SORCS2: variants seen among roughly 807,000 people sequenced by gnomAD.
SORCS2 encodes the protein VPS10 domain-containing receptor SorCS2.
SORCS2 carries 100 observed loss-of-function variants against 141.6 expected under a neutral mutation model. The observed-to-expected ratio is 0.71, with a 90% confidence interval of 0.60 to 0.83. The LOEUF (loss-of-function observed/expected upper bound fraction) is 0.83. Ranked by LOEUF, SORCS2 falls within the 40% of genes least tolerant of loss-of-function variation. The pLI, the probability that SORCS2 is intolerant of heterozygous loss-of-function variation, is 0.00. For missense variants in SORCS2, 1,646 were observed against 1,560.2 expected, an observed-to-expected ratio of 1.05 and a Z score of -0.93; for synonymous variants, 789 against 676.9, an observed-to-expected ratio of 1.17 and a Z score of -2.57.
chr4:7,407,019 G>C (rs1176626019), intron 2 of SORCS2, among the ~76,000 whole-genome samples: 1 of 152,002 alleles, frequency 6.6e-6, no homozygotes, highest in African/African-American at 2.4e-5. Context: ...TTGATTTCTA[G>C]TTTTATTTAT....
intron 1 of SORCS2, among the ~76,000 whole-genome samples, chr4:7,305,434 T>C (rs540427171): frequency 5.5e-4 from 83 of 151,272 alleles, no homozygotes; most frequent in African/African-American, 1.8e-3. Flanking sequence ...GCCCGGCCAG[T>C]GCTAAAAGTG....
chr4:7,496,989 G>T (rs552855955), intron 2 of SORCS2, among the ~76,000 whole-genome samples: 1 of 152,322 alleles, frequency 6.6e-6, no homozygotes, highest in East Asian at 1.9e-4. Context: ...ATGAAGCTAG[G>T]GTGGGTGCTC....
intron 2 of SORCS2, among the ~76,000 whole-genome samples, chr4:7,418,207 G>A (rs1234702397): frequency 6.6e-6 from 1 of 152,128 alleles, no homozygotes; most frequent in Non-Finnish European, 1.5e-5. Flanking sequence ...GTTGAATGAG[G>A]CAGACACAGC....
intron 1 of SORCS2, among the ~76,000 whole-genome samples, chr4:7,375,303 C>G (rs535085675): frequency 2.7e-4 from 41 of 152,310 alleles, no homozygotes; most frequent in African/African-American, 9.9e-4. Flanking sequence ...ATATCAGTGT[C>G]TCATTCAGAT....
intron 1 of SORCS2, among the ~76,000 whole-genome samples, chr4:7,222,201 G>A (rs768571307): frequency 2.0e-5 from 3 of 152,198 alleles, no homozygotes; most frequent in Non-Finnish European, 2.9e-5. Context: ...TGTCTCTGCT[G>A]CAGCAAGATT....
At chr4:7,416,236 G>A (rs954138272) in intron 2 of SORCS2, among the ~76,000 whole-genome samples, 6 of 152,128 alleles carry the variant, frequency 3.9e-5, no homozygotes, top group African/African-American at 7.2e-5. Flanking sequence ...TGCAGCGTTC[G>A]TAGGGGACAG....
chr4:7,373,189 C>T (rs977924738), intron 1 of SORCS2, among the ~76,000 whole-genome samples: 30 of 151,704 alleles, frequency 2.0e-4, no homozygotes, highest in Admixed American at 8.5e-4. Flanking sequence ...TGTCCTTTTG[C>T]ATTCCCAACA....
chr4:7,302,683 T>C (rs1385036654), intron 1 of SORCS2, among the ~76,000 whole-genome samples: 27 of 152,134 alleles, frequency 1.8e-4, no homozygotes, highest in African/African-American at 2.4e-5. Flanking sequence ...GTCTTCTCAG[T>C]AAAGCTAAGC....
At chr4:7,724,765 GAT>G in intron 19 of SORCS2, among the ~76,000 whole-genome samples, 2 of 106,330 alleles carry the variant, frequency 1.9e-5, no homozygotes, top group Admixed American at 8.7e-5. Flanking sequence ...TGGTGTTGGT[GAT>G]GATGGTGGTG....
At chr4:7,372,096 G>C (rs773512647) in intron 1 of SORCS2, among the ~76,000 whole-genome samples, 10 of 152,170 alleles carry the variant, frequency 6.6e-5, no homozygotes, top group Non-Finnish European at 1.0e-4. Context: ...CAGGACATGG[G>C]TTCCTTTCAT....
intron 3 of SORCS2, among the ~76,000 whole-genome samples, chr4:7,539,699 C>CGCCCCCCGTTATGGAGGCCCT (rs1560368817): frequency 2.0e-5 from 3 of 151,260 alleles, no homozygotes; most frequent in Non-Finnish European, 4.4e-5. Flanking sequence ...ATGGAGGCCC[C>CGCCCCCCGTTATGGAGGCCCT]GCCCCTTCCT....
chr4:7,599,119 G>A (rs902527551), intron 3 of SORCS2, among the ~76,000 whole-genome samples: 3 of 152,098 alleles, frequency 2.0e-5, no homozygotes, highest in African/African-American at 7.2e-5. Flanking sequence ...GAGGGAACAA[G>A]TCCTTCCTTC....
At chr4:7,276,788 A>G (rs1443320359) in intron 1 of SORCS2, among the ~76,000 whole-genome samples, 2 of 152,172 alleles carry the variant, frequency 1.3e-5, no homozygotes, top group Non-Finnish European at 2.9e-5. Flanking sequence ...CTTTCTCTCC[A>G]GCCACACCTA....
intron 16 of SORCS2, 44 bp from the exon 17 acceptor site, chr4:7,715,139 C>A: frequency 6.2e-7 from 1 of 1,605,878 alleles, no homozygotes; most frequent in Non-Finnish European, 8.5e-7. Flanking sequence ...GACTCCGGTT[C>A]CCACCTGTGC....
intron 8 of SORCS2, among the ~76,000 whole-genome samples, chr4:7,674,623 T>C (rs1467360998): frequency 6.8e-6 from 1 of 146,582 alleles, no homozygotes; most frequent in African/African-American, 2.5e-5. Context: ...TCTCCTTTTC[T>C]GCACAGCCCT....
chr4:7,307,909 A>G (rs1717939563), intron 1 of SORCS2, among the ~76,000 whole-genome samples: 1 of 151,470 alleles, frequency 6.6e-6, no homozygotes, highest in Non-Finnish European at 1.5e-5. Context: ...TCTGTGCATG[A>G]GTGTGTGTGC....
intron 4 of SORCS2, among the ~76,000 whole-genome samples, chr4:7,642,959 C>A (rs547436081): frequency 6.6e-6 from 1 of 152,210 alleles, no homozygotes; most frequent in South Asian, 2.1e-4. Flanking sequence ...AGTCACATGA[C>A]AAGCCCAGAG....
At chr4:7,667,607 A>C (rs922125168) in intron 8 of SORCS2, among the ~76,000 whole-genome samples, 1 of 152,096 alleles carries the variant, frequency 6.6e-6, no homozygotes, top group African/African-American at 2.4e-5. Flanking sequence ...CCCTCCCTCC[A>C]GTGTCCATCT....
chr4:7,508,620 G>C lies in SORCS2; in HGVS notation c.549-22910G>C, dbSNP rs142343000. ...CCCAAAGTGCTGGGATTACAGGCAC[G>C]AGCCACCGCGCCTGGACTCAGACTC... On this transcript the variant is annotated intron_variant, in intron 2 of 26. Coordinates refer to ENST00000507866, the MANE Select transcript of SORCS2 (RefSeq NM_020777.3). 6.0e-4 allele frequency among the ~76,000 whole-genome samples: 92 copies of C among 152,066 alleles called. 1 individual carries two copies. The highest frequency in any genetic ancestry group is 1.2e-3 in the Non-Finnish European group (85 of 68,012).
Sources: allele counts gnomAD v4.1 joint callset (sites outside exome capture counted in the v4.1 genomes callset), GRCh38; gene constraint gnomAD v4.1.1; transcripts MANE v1.5; gene names NCBI Gene and HGNC (gene_info 2026-07-23, HGNC 2026-07-21).